GPR89A: variants seen among roughly 807,000 people sequenced by gnomAD.
The protein encoded by GPR89A is G protein-coupled receptor 89A.
In GPR89A, 16 loss-of-function variants were observed where a neutral mutation model predicts 52.0. The ratio of observed to expected loss-of-function variants is 0.31; its 90% CI spans 0.21 to 0.47. GPR89A has a LOEUF of 0.47. Among genes scored for constraint, GPR89A ranks in the 20% least tolerant of loss-of-function variants. The pLI, the probability that GPR89A is intolerant of heterozygous loss-of-function variation, is 1.00. For missense variants in GPR89A, 135 were observed against 449.4 expected, an observed-to-expected ratio of 0.30 and a Z score of 6.33; for synonymous variants, 55 against 150.9, an observed-to-expected ratio of 0.36 and a Z score of 4.66.
At chr1:145,665,220 T>C (rs1398273088) in intron 11 of GPR89A, among the ~76,000 whole-genome samples, 5 of 152,296 alleles carry the variant, frequency 3.3e-5, no homozygotes, top group Non-Finnish European at 4.4e-5. Context: ...TGGTGACTCA[T>C]GCCTGTAATA....
At chr1:145,658,716 A>C (rs1460732845) in intron 10 of GPR89A, among the ~76,000 whole-genome samples, 6 of 151,234 alleles carry the variant, frequency 4.0e-5, no homozygotes, top group Non-Finnish European at 8.8e-5. Flanking sequence ...GTTGATGTAC[A>C]TTAGGATTGT....
chr1:145,613,361 A>C (rs1648433267), intron 1 of GPR89A, among the ~76,000 whole-genome samples: 1 of 151,830 alleles, frequency 6.6e-6, no homozygotes, highest in African/African-American at 2.4e-5. Context: ...CAAATGTCTT[A>C]ATTCAGGGCT....
In GPR89A at chr1:145,649,897, T is replaced by C. The variant is rs1457299445; in HGVS notation, c.909+2630T>C. On this transcript the variant is annotated intron_variant, in intron 10 of 13. Transcript: ENST00000313835. ...TTTTAATTTATATTTTCTTAATGTC[T>C]AATGATATTGAGCATCTTTTCATGT... is the stretch of plus-strand genomic sequence containing the variant. Among the ~76,000 whole-genome samples the C allele has an allele frequency of 2.6e-5, 4 of 152,238 alleles. No homozygotes were observed. The East Asian group carries it at 7.7e-4, about 29-fold the overall frequency.
chr1:145,648,163 C>T (rs1309302310), intron 10 of GPR89A, among the ~76,000 whole-genome samples: 1 of 148,800 alleles, frequency 6.7e-6, no homozygotes, highest in Non-Finnish European at 1.5e-5. Context: ...TTTGTCTTTA[C>T]CTCTGACTCA....
At chr1:145,658,967 G>A (rs587737563) in intron 10 of GPR89A, among the ~76,000 whole-genome samples, 60 of 151,986 alleles carry the variant, frequency 3.9e-4, no homozygotes, top group Admixed American at 3.0e-3. Context: ...TAGTAGAGAC[G>A]AGGTTTGACC....
chr1:145,642,937 C>A (rs1305170587), intron 7 of GPR89A, among the ~76,000 whole-genome samples: 1 of 152,006 alleles, frequency 6.6e-6, no homozygotes, highest in Non-Finnish European at 1.5e-5. Context: ...ACTGAGAGGA[C>A]CAGGAGTGGT....
At chr1:145,608,272 C>G in intron 1 of GPR89A, 97 bp downstream of exon 1, 1 of 1,519,432 alleles carries the variant, frequency 6.6e-7, no homozygotes, top group South Asian at 1.1e-5. Flanking sequence ...GGGTCTCGCT[C>G]CTCTCTTACG....
chr1:145,622,924 T>G (rs1553688349), intron 3 of GPR89A, 130 bp from the exon 4 acceptor site: 1 of 1,418,050 alleles, frequency 7.1e-7, no homozygotes, highest in East Asian at 2.3e-5. Flanking sequence ...TTTAAGAGCC[T>G]AGTAGGCTGA....
intron 8 of GPR89A, chr1:145,645,368 A>G: frequency 2.9e-6 from 1 of 344,666 alleles, no homozygotes; most frequent in Non-Finnish European, 5.7e-6. Context: ...CTTCTATTTT[A>G]GAAGGGGCTG....
chr1:145,660,642 G>A (rs868964804), intron 10 of GPR89A, among the ~76,000 whole-genome samples: 15 of 152,062 alleles, frequency 9.9e-5, no homozygotes, highest in South Asian at 6.2e-4. Flanking sequence ...AAAAGTTGGC[G>A]AAGGACATGA....
rs1652914027 is a variant in GPR89A, at chr1:145,670,416, G to A, written c.*376G>A. The A allele has an allele frequency of 2.7e-6, 1 of 373,898 alleles. No individual in the cohort carries two copies. Among genetic ancestry groups the A allele is most frequent in the South Asian group, 2.5e-5 (1 of 39,804 alleles). 23.2% of individuals were successfully genotyped at this position (373,898 alleles called of 1,614,324 possible). A position where few individuals can be genotyped will look rare whatever the true frequency, so the allele number is the denominator to read the frequency against. On this transcript the variant is annotated 3_prime_UTR_variant, in exon 14 of 14. Transcript: ENST00000313835. ...CCGTTTTAAGGTTCACATGGAAAAG[G>A]TTATAGCTTTGCCTTGAGATTGACT... is the stretch of plus-strand genomic sequence containing the variant.
chr1:145,654,228 G>A (rs1553694114), intron 10 of GPR89A, among the ~76,000 whole-genome samples: 1 of 152,156 alleles, frequency 6.6e-6, no homozygotes, highest in East Asian at 1.9e-4. Flanking sequence ...AGTTTGGCCA[G>A]ATAGGAAATT....
intron 1 of GPR89A, among the ~76,000 whole-genome samples, chr1:145,613,501 A>G (rs1273352217): frequency 1.3e-5 from 2 of 152,182 alleles, no homozygotes; most frequent in African/African-American, 2.4e-5. Flanking sequence ...AAATCAGACC[A>G]TGCCATTTCC....
chr1:145,660,160 T>C (rs1652097246), intron 10 of GPR89A, among the ~76,000 whole-genome samples: 1 of 152,176 alleles, frequency 6.6e-6, no homozygotes, highest in African/African-American at 2.4e-5. Flanking sequence ...TATCTACAAC[T>C]ATCTGATCTT....
chr1:145,621,673 C>T (rs1553688147), intron 3 of GPR89A, among the ~76,000 whole-genome samples: 1 of 151,354 alleles, frequency 6.6e-6, no homozygotes, highest in African/African-American at 2.4e-5. Context: ...TTATAAATTA[C>T]CTATCTGATA....
chr1:145,629,911 T>C (rs1244049714), intron 5 of GPR89A, among the ~76,000 whole-genome samples: 1 of 152,196 alleles, frequency 6.6e-6, no homozygotes, highest in Non-Finnish European at 1.5e-5. Flanking sequence ...CATTTGACCA[T>C]AGGAGTGGAT....
chr1:145,620,532 A>G (rs188254061), intron 3 of GPR89A, among the ~76,000 whole-genome samples: 5 of 149,426 alleles, frequency 3.3e-5, no homozygotes, highest in African/African-American at 1.2e-4. Context: ...TTAATTAGTT[A>G]AAGAGGATAA....
At chr1:145,646,952 T>C (rs1299754173) in intron 9 of GPR89A, 13 of 641,602 alleles carry the variant, frequency 2.0e-5, no homozygotes, top group Admixed American at 3.5e-5. Flanking sequence ...AGAATTGTTA[T>C]GAAGATTAAG....
At chr1:145,663,469 T>C in intron 11 of GPR89A, 45 bp downstream of exon 11, 1 of 1,610,486 alleles carries the variant, frequency 6.2e-7, no homozygotes, top group Non-Finnish European at 8.5e-7. Context: ...TTCTGTTTTA[T>C]CTACTATAAC....
Sources: allele counts gnomAD v4.1 joint callset (sites outside exome capture counted in the v4.1 genomes callset), GRCh38; gene constraint gnomAD v4.1.1; transcripts MANE v1.5; gene names NCBI Gene and HGNC (gene_info 2026-07-23, HGNC 2026-07-21).